OPCML: variants seen among roughly 807,000 people sequenced by gnomAD.
OPCML encodes the protein opioid-binding protein/cell adhesion molecule.
Under a neutral mutation model 37.8 loss-of-function variants are expected in OPCML, and 13 were observed. The observed-to-expected ratio is 0.34, with a 90% confidence interval of 0.22 to 0.55. The LOEUF is 0.55. OPCML is among the 20% of genes least tolerant of loss of function. The pLI is 0.91. For synonymous variants in OPCML, 176 were observed against 168.8 expected (o/e 1.04, Z -0.33); for missense variants, 341 against 435.6 (o/e 0.78, Z 1.93).
At chr11:132,441,735 A>C (rs1362042890) in intron 4 of OPCML, among the ~76,000 whole-genome samples, 1 of 152,138 alleles carries the variant, frequency 6.6e-6, no homozygotes, top group African/African-American at 2.4e-5. Context: ...AGATGAGTTC[A>C]ATTCACTGCA....
chr11:132,549,416 T>C (rs2096376413), intron 3 of OPCML, among the ~76,000 whole-genome samples: 2 of 152,148 alleles, frequency 1.3e-5, no homozygotes, highest in African/African-American at 2.4e-5. Flanking sequence ...GAAATAACCA[T>C]AAGTATATTC....
intron 1 of OPCML, among the ~76,000 whole-genome samples, chr11:133,343,345 A>G (rs996189936): frequency 4.2e-4 from 64 of 152,170 alleles, no homozygotes; most frequent in African/African-American, 1.4e-3. Context: ...TCATCTTTCC[A>G]TCTACCCATG....
At chr11:133,379,387 C>G (rs74754752) in intron 1 of OPCML, among the ~76,000 whole-genome samples, 3,828 of 152,354 alleles carry the variant, frequency 0.025, 90 homozygotes, top group African/African-American at 0.069. Context: ...AGAGCTCCCT[C>G]TGCGGCCACA....
intron 2 of OPCML, among the ~76,000 whole-genome samples, chr11:132,777,768 T>C (rs749014538): frequency 1.3e-5 from 2 of 152,162 alleles, no homozygotes; most frequent in Admixed American, 6.5e-5. Context: ...TGGGAGCTAA[T>C]TGGGAACGAC....
chr11:132,847,673 G>A (rs911425797), intron 2 of OPCML, among the ~76,000 whole-genome samples: 2 of 152,168 alleles, frequency 1.3e-5, no homozygotes, highest in African/African-American at 4.8e-5. Context: ...TAAAAATGCT[G>A]TCTTTTGGTC....
At position 132,883,166 on chromosome 11, in the gene OPCML, C is replaced by T. The variant is rs569750690; in HGVS notation, c.146+59760G>A. On this transcript the variant is annotated intron_variant, in intron 2 of 7. Coordinates refer to ENST00000524381, the MANE Select transcript of OPCML (RefSeq NM_001012393.5). ...TGGATCTTATACGCCTCATGCAACA[C>T]GTGAATCTACTGGATTAACTCAGCC... Among the ~76,000 whole-genome samples the T allele has an allele frequency of 5.3e-5, 8 of 151,988 alleles. No individual in the cohort carries two copies. The South Asian group carries it at 1.0e-3, about 20-fold the overall frequency.
At chr11:132,604,893 G>A (rs1938173882) in intron 3 of OPCML, among the ~76,000 whole-genome samples, 2 of 152,180 alleles carry the variant, frequency 1.3e-5, no homozygotes, top group Admixed American at 6.5e-5. Flanking sequence ...ACAATCAGAT[G>A]CTGTGGAGGC....
At chr11:132,656,994 T>C in intron 3 of OPCML, 93 bp downstream of exon 3, 6 of 1,530,628 alleles carry the variant, frequency 3.9e-6, no homozygotes, top group Non-Finnish European at 5.3e-6. Flanking sequence ...AGATGACTTT[T>C]GTGTCTTCGC....
At chr11:132,518,019 T>G (rs780695650) in intron 4 of OPCML, among the ~76,000 whole-genome samples, 2 of 152,206 alleles carry the variant, frequency 1.3e-5, no homozygotes, top group Non-Finnish European at 2.9e-5. Context: ...TGAAACTCTT[T>G]TGCTATTTCC....
intron 1 of OPCML, among the ~76,000 whole-genome samples, chr11:133,140,987 A>ACG (rs1380597856): frequency 0.011 from 49 of 4,650 alleles, 19 homozygotes; most frequent in African/African-American, 0.017. Context: ...GAAGAAGAAG[A>ACG]AGAAGAAGAA....
chr11:132,874,967 CA>C (rs926133213), intron 2 of OPCML, among the ~76,000 whole-genome samples: 16 of 152,130 alleles, frequency 1.1e-4, no homozygotes, highest in Admixed American at 6.6e-4. Context: ...AGATAAATAC[CA>C]GCCCAAGTAA....
At position 132,721,490 on chromosome 11, in the gene OPCML, G is replaced by A. The variant is rs147212354; in HGVS notation, c.147-64171C>T. On this transcript the variant is annotated intron_variant, in intron 2 of 7. Coordinates refer to ENST00000524381, the MANE Select transcript of OPCML (RefSeq NM_001012393.5). ...TGGCCCAGCAGCAAGGCGTGCTTTC[G>A]GGAAGAGGCAAGGACCTCAGATGCC... is the stretch of plus-strand genomic sequence containing the variant. Among the ~76,000 whole-genome samples the A allele has an allele frequency of 9.6e-3, 1,469 of 152,280 alleles. 59 individuals carry two copies. Among genetic ancestry groups the A allele is most frequent in the Non-Finnish European group, 4.5e-3 (307 of 68,012 alleles).
chr11:132,746,329 A>C (rs1428848989), intron 2 of OPCML, among the ~76,000 whole-genome samples: 1 of 152,102 alleles, frequency 6.6e-6, no homozygotes. Context: ...TAACAAAAAG[A>C]AGGGAAAATA....
At chr11:133,498,574 C>T (rs1484598037) in intron 1 of OPCML, among the ~76,000 whole-genome samples, 2 of 152,172 alleles carry the variant, frequency 1.3e-5, no homozygotes, top group East Asian at 3.9e-4. Flanking sequence ...ATAGTGGGTC[C>T]TTCTCCCCAC....
rs192362860 is a variant in OPCML, at chr11:133,208,054, T to C, written c.62-265044A>G. On this transcript the variant is annotated intron_variant, in intron 1 of 7. Coordinates refer to ENST00000524381, the MANE Select transcript of OPCML (RefSeq NM_001012393.5). This position sits in a 1 kb window ranked among gnomAD's most constrained non-coding sequence, Gnocchi z 8.9. ...AACCACCCTAGGCAAGGTTAAGAGC[T>C]CCTTACTCTGAGCTCCCATAGCATT... Among the ~76,000 whole-genome samples the C allele has an allele frequency of 1.4e-4, 22 of 152,308 alleles. No individual in the cohort carries two copies. Among genetic ancestry groups the C allele is most frequent in the Admixed American group, 1.4e-3 (21 of 15,298 alleles).
chr11:132,602,452 G>T (rs1937986020), intron 3 of OPCML, among the ~76,000 whole-genome samples: 1 of 152,074 alleles, frequency 6.6e-6, no homozygotes, highest in South Asian at 2.1e-4. Context: ...AGACAGCCTG[G>T]ATTCTACCAG....
intron 3 of OPCML, among the ~76,000 whole-genome samples, chr11:132,564,677 T>C (rs764581104): frequency 6.6e-6 from 1 of 152,108 alleles, no homozygotes; most frequent in Non-Finnish European, 1.5e-5. Flanking sequence ...ACACTGCTCC[T>C]AAGGGAGTGT....
intron 1 of OPCML, among the ~76,000 whole-genome samples, chr11:133,514,065 A>G (rs1411562476): frequency 6.6e-6 from 1 of 152,226 alleles, no homozygotes; most frequent in African/African-American, 2.4e-5. Context: ...CAAGATAAAG[A>G]GACACTTCAA....
At chr11:132,519,367 C>T (rs964237723) in intron 4 of OPCML, among the ~76,000 whole-genome samples, 3 of 152,020 alleles carry the variant, frequency 2.0e-5, no homozygotes, top group East Asian at 1.9e-4. Flanking sequence ...TGCACAGTGA[C>T]GCTTGCTGAA....
Sources: gnomAD v4.1 joint callset for allele counts (sites outside exome capture counted in the v4.1 genomes callset) on GRCh38, gnomAD v4.1.1 for gene constraint, Gnocchi (gnomAD v3.1) non-coding constraint, MANE v1.5 for transcripts, NCBI Gene and HGNC (gene_info 2026-07-23, HGNC 2026-07-21) for gene names.